The following HCN1 variants were observed in gnomAD, a reference collection of about 807,000 sequenced individuals.
HCN1 encodes hyperpolarization activated cyclic nucleotide gated potassium channel 1.
A neutral mutation model predicts 78.9 loss-of-function variants in HCN1; 13 were observed. The ratio of observed to expected loss-of-function variants is 0.16; its 90% CI spans 0.11 to 0.26. The LOEUF (loss-of-function observed/expected upper bound fraction) is 0.26, where lower values mean the gene tolerates loss of function less well. Among genes scored for constraint, HCN1 ranks in the 10% least tolerant of loss-of-function variants. The pLI is 1.00. For missense variants in HCN1, 810 were observed against 1,154.3 expected, an observed-to-expected ratio of 0.70 and a Z score of 4.32; for synonymous variants, 552 against 455.5, an observed-to-expected ratio of 1.21 and a Z score of -2.70.
At chr5:45,611,269 CTTT>C (rs1054830050) in intron 2 of HCN1, among the ~76,000 whole-genome samples, 3 of 113,730 alleles carry the variant, frequency 2.6e-5, no homozygotes, top group Non-Finnish European at 3.8e-5. Context: ...TTATCTTTTT[CTTT>C]TTTTTTTTTT....
chr5:45,691,699 T>C (rs1049143032), intron 1 of HCN1, among the ~76,000 whole-genome samples: 3 of 152,194 alleles, frequency 2.0e-5, no homozygotes, highest in Non-Finnish European at 4.4e-5. Flanking sequence ...TAATTCGTCT[T>C]TAAACCCTAG....
chr5:45,507,322 T>C (rs776178089), intron 2 of HCN1, among the ~76,000 whole-genome samples: 17 of 152,166 alleles, frequency 1.1e-4, no homozygotes, highest in South Asian at 4.1e-4. Flanking sequence ...AATTCATCAC[T>C]GCTATACACA....
At chr5:45,654,800 T>G (rs984255508) in intron 1 of HCN1, among the ~76,000 whole-genome samples, 9 of 152,160 alleles carry the variant, frequency 5.9e-5, no homozygotes, top group South Asian at 4.1e-4. Context: ...ATTGAATTAT[T>G]TTCTGTCTAA....
In HCN1 at chr5:45,260,527, T is replaced by G. The variant is rs1363117787; in HGVS notation, c.*1394A>C. ...ACCTCCTATCTAAGGGCTACGTTAG[T>G]CACCACATGCCTTAAAGTTTACTAA... On this transcript the variant is annotated 3_prime_UTR_variant, in exon 8 of 8. Transcript: ENST00000303230. The G allele has an allele frequency of 6.6e-6, 1 of 152,350 alleles. No homozygotes were observed. The highest frequency in any genetic ancestry group is 2.4e-5 in the African/African-American group (1 of 41,464). The allele number at this position is 152,350 out of a possible 1,614,324, so 9.4% of individuals were successfully genotyped here.
At chr5:45,376,046 T>A (rs1391351524) in intron 4 of HCN1, among the ~76,000 whole-genome samples, 1 of 112,936 alleles carries the variant, frequency 8.9e-6, no homozygotes, top group Non-Finnish European at 1.6e-5. Context: ...TATTTTATAA[T>A]ATATATTATA....
intron 2 of HCN1, among the ~76,000 whole-genome samples, chr5:45,484,518 G>A (rs977778204): frequency 1.3e-5 from 2 of 152,144 alleles, no homozygotes; most frequent in Non-Finnish European, 2.9e-5. Flanking sequence ...GACTCAAAGA[G>A]GGGGTCCCCT....
chr5:45,568,671 T>A (rs1208555580), intron 2 of HCN1, among the ~76,000 whole-genome samples: 1 of 151,976 alleles, frequency 6.6e-6, no homozygotes, highest in Non-Finnish European at 1.5e-5. Context: ...CAAAAAAAAA[T>A]TAACACTCGT....
chr5:45,350,540 G>A (rs563341273), intron 5 of HCN1, among the ~76,000 whole-genome samples: 16 of 151,714 alleles, frequency 1.1e-4, no homozygotes, highest in African/African-American at 3.1e-4. Flanking sequence ...TCAGGCAGGA[G>A]AAGGAAATAA....
chr5:45,505,224 T>C (rs1403778902), intron 2 of HCN1, among the ~76,000 whole-genome samples: 4 of 152,154 alleles, frequency 2.6e-5, no homozygotes, highest in Admixed American at 1.3e-4. Flanking sequence ...CTAGGGTTTT[T>C]ATGGTTTTAG....
At chr5:45,560,671 C>T (rs80093279) in intron 2 of HCN1, among the ~76,000 whole-genome samples, 1 of 151,800 alleles carries the variant, frequency 6.6e-6, no homozygotes, top group Admixed American at 6.6e-5. Flanking sequence ...CAAATAAAAA[C>T]AATGTGTTTA....
rs574474792 is a variant in HCN1 at position 45,597,966 on chromosome 5, C to A, written c.849+47219G>T. Among the ~76,000 whole-genome samples, 16 of 152,204 alleles carry A rather than the reference C, an allele frequency of 1.1e-4. No homozygotes were observed. The South Asian group carries it at 3.3e-3, about 32-fold the overall frequency. ...CATGCTCATGGATAGGCAGAATCAA[C>A]ATCGTGAAAATGGCCATACTGCCCA... On this transcript the variant is annotated intron_variant, in intron 2 of 7. Coordinates refer to ENST00000303230, the MANE Select transcript of HCN1 (RefSeq NM_021072.4).
intron 2 of HCN1, among the ~76,000 whole-genome samples, chr5:45,480,923 T>C (rs1414049083): frequency 6.6e-6 from 1 of 152,228 alleles, no homozygotes; most frequent in Non-Finnish European, 1.5e-5. Context: ...CTATGTCATA[T>C]GAATTTTGAA....
intron 1 of HCN1, among the ~76,000 whole-genome samples, chr5:45,682,292 CAT>C (rs1265512591): frequency 3.4e-5 from 4 of 117,830 alleles, no homozygotes; most frequent in African/African-American, 1.1e-4. Flanking sequence ...TATATATACA[CAT>C]ATATATATCC....
chr5:45,549,504 GA>G (rs1743311893), intron 2 of HCN1, among the ~76,000 whole-genome samples: 1 of 152,122 alleles, frequency 6.6e-6, no homozygotes, highest in Admixed American at 6.6e-5. Context: ...ATCCAAGATG[GA>G]TTAAAGACTC....
intron 5 of HCN1, among the ~76,000 whole-genome samples, chr5:45,314,169 C>T (rs1164800564): frequency 2.0e-5 from 3 of 152,156 alleles, no homozygotes; most frequent in Admixed American, 6.5e-5. Flanking sequence ...AATCTCTCGG[C>T]AGAAACTCTA....
chr5:45,289,882 T>G (rs1427009131), intron 6 of HCN1, among the ~76,000 whole-genome samples: 1 of 151,980 alleles, frequency 6.6e-6, no homozygotes, highest in Non-Finnish European at 1.5e-5. Flanking sequence ...CTAGGTTACA[T>G]ACTGCCTTCT....
At chr5:45,665,739 C>T (rs1212772098) in intron 1 of HCN1, among the ~76,000 whole-genome samples, 1 of 152,026 alleles carries the variant, frequency 6.6e-6, no homozygotes, top group Non-Finnish European at 1.5e-5. Context: ...TATGGTGTCA[C>T]ATAACAGAAA....
chr5:45,399,773 T>G (rs1739756763), intron 3 of HCN1, among the ~76,000 whole-genome samples: 1 of 152,156 alleles, frequency 6.6e-6, no homozygotes. Context: ...AAAGTGAAAT[T>G]CACTATTATT....
chr5:45,680,306 G>C (rs922278107), intron 1 of HCN1, among the ~76,000 whole-genome samples: 13 of 152,046 alleles, frequency 8.6e-5, no homozygotes, highest in Non-Finnish European at 1.9e-4. Context: ...GTGTAACAAT[G>C]AACAAGTAAA....
Sources: gnomAD v4.1 joint callset for allele counts (sites outside exome capture counted in the v4.1 genomes callset) on GRCh38, gnomAD v4.1.1 for gene constraint, MANE v1.5 for transcripts, NCBI Gene and HGNC (gene_info 2026-07-23, HGNC 2026-07-21) for gene names.